The following TNFRSF11A variants were observed in gnomAD, a reference collection of about 807,000 sequenced individuals.
The protein encoded by TNFRSF11A is tumor necrosis factor receptor superfamily member 11A.
Under a neutral mutation model 55.7 loss-of-function variants are expected in TNFRSF11A, and 32 were observed. The observed-to-expected ratio is 0.57, with a 90% CI of 0.43 to 0.77. TNFRSF11A has a LOEUF of 0.77. Ranked by LOEUF, TNFRSF11A falls within the 30% of genes least tolerant of loss-of-function variation. The probability of loss-of-function intolerance (pLI) is 0.00; values close to 1 mark genes in which losing one functional copy is unlikely to be tolerated. For missense variants in TNFRSF11A, 753 were observed against 809.8 expected, an observed-to-expected ratio of 0.93 and a Z score of 0.85; for synonymous variants, 311 against 331.0, an observed-to-expected ratio of 0.94 and a Z score of 0.65.
At chr18:62,359,031 G>A (rs1909477177) in intron 5 of TNFRSF11A, among the ~76,000 whole-genome samples, 3 of 152,064 alleles carry the variant, frequency 2.0e-5, no homozygotes, top group East Asian at 1.9e-4. Flanking sequence ...TTGCATGTTT[G>A]TTGTTGCATA....
At chr18:62,347,327 A>G (rs1221027972) in intron 1 of TNFRSF11A, among the ~76,000 whole-genome samples, 1 of 152,244 alleles carries the variant, frequency 6.6e-6, no homozygotes, top group East Asian at 1.9e-4. Context: ...GCTCACACCA[A>G]GAATGCTGAT....
At chr18:62,381,717 A>G (rs1911301311) in intron 9 of TNFRSF11A, among the ~76,000 whole-genome samples, 1 of 152,258 alleles carries the variant, frequency 6.6e-6, no homozygotes, top group Non-Finnish European at 1.5e-5. Flanking sequence ...AAGAATAATC[A>G]TACGACTAAG....
rs149419096 is a variant in TNFRSF11A at position 62,349,695 on chromosome 18, G to A, written c.158-117G>A. On this transcript the variant is annotated intron_variant, in intron 2 of 9. Coordinates refer to ENST00000586569, the MANE Select transcript of TNFRSF11A (RefSeq NM_003839.4). Reference sequence around the variant, plus strand: ...TCTTTGGGGGGTGTCCTGGGATCATGGGCACCAATGATTATTGGTCCCATA... The same window carrying A: ...TCTTTGGGGGGTGTCCTGGGATCATAGGCACCAATGATTATTGGTCCCATA... 1,760 of 1,178,536 alleles carry A rather than the reference G, an allele frequency of 1.5e-3. 21 individuals carry two copies. The African/African-American group carries it at 0.022, about 15-fold the overall frequency. The allele number at this position is 1,178,536 out of a possible 1,614,324, so 73.0% of individuals were successfully genotyped here.
chr18:62,368,633 T>C lies in TNFRSF11A; in HGVS notation c.784-68T>C. ...TCAGTGTAAACACTGTTTTCAGCAATGTTTAGCTAAACTTGTCCTAATAAC... is the reference window on the plus strand; with the variant it reads ...TCAGTGTAAACACTGTTTTCAGCAACGTTTAGCTAAACTTGTCCTAATAAC... On this transcript the variant is annotated intron_variant, in intron 8 of 9. Coordinates refer to ENST00000586569, the MANE Select transcript of TNFRSF11A (RefSeq NM_003839.4). 9 of 1,526,644 alleles carry C rather than the reference T, an allele frequency of 5.9e-6. No homozygotes were observed. In the South Asian group the frequency reaches 7.9e-5, roughly 13 times the overall value. The allele number at this position is 1,526,644 out of a possible 1,614,324, so 94.6% of individuals were successfully genotyped here. A position where few individuals can be genotyped will look rare whatever the true frequency, so the allele number is the denominator to read the frequency against.
chr18:62,330,472 C>T (rs1296609405), intron 1 of TNFRSF11A, among the ~76,000 whole-genome samples: 1 of 152,146 alleles, frequency 6.6e-6, no homozygotes, highest in African/African-American at 2.4e-5. Context: ...GGACAGGATT[C>T]CTGGACTCAG....
At chr18:62,357,559 C>T (rs1437836585) in intron 4 of TNFRSF11A, among the ~76,000 whole-genome samples, 2 of 152,204 alleles carry the variant, frequency 1.3e-5, no homozygotes, top group African/African-American at 2.4e-5. Flanking sequence ...GGACTGCTTT[C>T]ATGCTATGAG....
intron 9 of TNFRSF11A, among the ~76,000 whole-genome samples, chr18:62,376,228 C>T (rs1910885189): frequency 6.6e-6 from 1 of 151,474 alleles, no homozygotes; most frequent in Non-Finnish European, 1.5e-5. Flanking sequence ...TTTTCACTAT[C>T]ACTTTCTCTT....
In TNFRSF11A at chr18:62,368,983, C is replaced by G; in HGVS notation, c.1066C>G (p.Pro356Ala). The change falls in exon 9 of 10, where the codon CCC (proline) becomes GCC (alanine). Residue 356 changes from proline to alanine, a missense_variant. By Grantham distance (27) the Pro-to-Ala change is conservative. Coordinates refer to ENST00000586569, the MANE Select transcript of TNFRSF11A (RefSeq NM_003839.4). ...EDEYMDRPSQ[P>A]TDQLLFLTEP... ...TGAATACATGGACAGGCCCTCCCAGCCCACAGACCAGTTACTGTTCCTCAC... is the reference window on the plus strand; with the variant it reads ...TGAATACATGGACAGGCCCTCCCAGGCCACAGACCAGTTACTGTTCCTCAC... 2 of 1,614,244 alleles carry G rather than the reference C, an allele frequency of 1.2e-6. No individual in the cohort carries two copies. Among genetic ancestry groups the G allele is most frequent in the East Asian group, 2.2e-5 (1 of 44,886 alleles).
In TNFRSF11A at chr18:62,389,136, A is replaced by C. The variant is rs1472351334; in HGVS notation, c.*4102A>C. 1 of 152,264 alleles carries C rather than the reference A, an allele frequency of 6.6e-6. No homozygotes were observed. The highest frequency in any genetic ancestry group is 1.5e-5 in the Non-Finnish European group (1 of 68,104). The allele number at this position is 152,264 out of a possible 1,614,324, so 9.4% of individuals were successfully genotyped here. A position where few individuals can be genotyped will look rare whatever the true frequency, so the allele number is the denominator to read the frequency against. ...CATCATGTTTATTGAGTGTGCTTTT[A>C]GTGGCAGGGCCCTGAGCACCTGGGA... On this transcript the variant is annotated 3_prime_UTR_variant, in exon 10 of 10. Coordinates refer to ENST00000586569, the MANE Select transcript of TNFRSF11A (RefSeq NM_003839.4).
At chr18:62,349,761 G>C (rs1347785425) in intron 2 of TNFRSF11A, 51 bp from the exon 3 acceptor site, 4 of 1,610,246 alleles carry the variant, frequency 2.5e-6, no homozygotes, top group Non-Finnish European at 3.4e-6. Flanking sequence ...TTGTGTTGCT[G>C]TTTTTGTTTG....
At chr18:62,355,482 G>A (rs1370219541) in intron 4 of TNFRSF11A, among the ~76,000 whole-genome samples, 2 of 152,058 alleles carry the variant, frequency 1.3e-5, no homozygotes, top group Non-Finnish European at 2.9e-5. Context: ...TCTCTATGTT[G>A]GTCAGGCTGG....
intron 9 of TNFRSF11A, among the ~76,000 whole-genome samples, chr18:62,382,792 TTGTA>T (rs1205098222): frequency 2.1e-5 from 3 of 143,806 alleles, no homozygotes; most frequent in Non-Finnish European, 4.8e-5. Flanking sequence ...TTCATTTTGT[TTGTA>T]TGTTTGTTTG....
intron 1 of TNFRSF11A, among the ~76,000 whole-genome samples, chr18:62,337,252 TTA>T (rs574089594): frequency 1.3e-5 from 2 of 152,348 alleles, no homozygotes; most frequent in Admixed American, 6.5e-5. Flanking sequence ...TGGCAAATTT[TTA>T]TGTTATGTGT....
chr18:62,341,570 T>C (rs1399988213), intron 1 of TNFRSF11A, among the ~76,000 whole-genome samples: 1 of 152,240 alleles, frequency 6.6e-6, no homozygotes, highest in Non-Finnish European at 1.5e-5. Context: ...TCCACTCAGC[T>C]GTGCCCGTGA....
At chr18:62,341,835 G>GTTTT (rs1568475429) in intron 1 of TNFRSF11A, among the ~76,000 whole-genome samples, 5 of 68,852 alleles carry the variant, frequency 7.3e-5, no homozygotes, top group Non-Finnish European at 5.0e-5. Context: ...GCTGAGAATG[G>GTTTT]CTTTTTTTTT....
chr18:62,366,851 C>CA (rs1910126251), intron 8 of TNFRSF11A, 91 bp downstream of exon 8: 3 of 1,322,548 alleles, frequency 2.3e-6, no homozygotes, highest in Admixed American at 3.4e-5. Context: ...CACCCCCCCC[C>CA]ACCCCCACTT....
chr18:62,384,897 G>T lies in TNFRSF11A; in HGVS notation c.1714G>T (p.Glu572Ter). Residue 572 changes from glutamate (E) to a stop codon, truncating the protein, a stop_gained, in exon 10 of 10, where the codon GAG becomes TAG. Coordinates refer to ENST00000586569, the MANE Select transcript of TNFRSF11A (RefSeq NM_003839.4). LOFTEE classifies it low-confidence loss of function (END_TRUNC). ...AAEPMGRPVQEETLARRDSFA... is the reference protein window; with the variant it reads ...AAEPMGRPVQ The stretch of plus-strand genomic sequence containing the variant: ...GGAGCCCATGGGCCGCCCGGTGCAG[G>T]AGGAGACCCTGGCGCGCCGAGACTC... 1 of 1,583,712 alleles carries T rather than the reference G, an allele frequency of 6.3e-7. No individual in the cohort carries two copies. Among genetic ancestry groups the T allele is most frequent in the Non-Finnish European group, 8.6e-7 (1 of 1,165,450 alleles).
chr18:62,342,709 C>T lies in TNFRSF11A; in HGVS notation c.76-5459C>T, dbSNP rs187971641. On this transcript the variant is annotated intron_variant, in intron 1 of 9. Coordinates refer to ENST00000586569, the MANE Select transcript of TNFRSF11A (RefSeq NM_003839.4). ...AATGATAGCCCAGAACATCTGAATT[C>T]AAAGGGTCTATATTTTGACTCATTA... Among the ~76,000 whole-genome samples the T allele has an allele frequency of 9.9e-5, 15 of 152,268 alleles. No individual in the cohort carries two copies. The East Asian group carries it at 2.3e-3, about 23-fold the overall frequency.
intron 1 of TNFRSF11A, among the ~76,000 whole-genome samples, chr18:62,337,875 T>G (rs2085563433): frequency 6.6e-6 from 1 of 152,210 alleles, no homozygotes; most frequent in Admixed American, 6.5e-5. Context: ...AATTGGGAAA[T>G]AAATGAATGT....
Sources: allele counts gnomAD v4.1 joint callset (sites outside exome capture counted in the v4.1 genomes callset), GRCh38; gene constraint gnomAD v4.1.1; transcripts MANE v1.5; gene names NCBI Gene and HGNC (gene_info 2026-07-23, HGNC 2026-07-21).